GNAO1: variants seen among roughly 807,000 people sequenced by gnomAD.
The protein encoded by GNAO1 is guanine nucleotide-binding protein G(o) subunit alpha.
For synonymous variants in GNAO1, 164 were observed against 180.7 expected, an observed-to-expected ratio of 0.91 and a Z score of 0.74; for missense variants, 166 against 478.7, an observed-to-expected ratio of 0.35 and a Z score of 6.10.
intron 6 of GNAO1, chr16:56,345,092 CCTT>C (rs2037851537): frequency 1.0e-6 from 1 of 985,418 alleles, no homozygotes; most frequent in Admixed American, 6.1e-5. Context: ...TCCTAGGACT[CCTT>C]AGAGGAGGCT....
chr16:56,279,197 T>C (rs1307154858), intron 3 of GNAO1, among the ~76,000 whole-genome samples: 1 of 152,172 alleles, frequency 6.6e-6, no homozygotes, highest in Non-Finnish European at 1.5e-5. Flanking sequence ...TGTACCTCAG[T>C]GTCAGCCCCT....
At position 56,347,177 on chromosome 16, in the gene GNAO1, C is replaced by A. The variant is rs766323202; in HGVS notation, c.724-4207C>A. On this transcript the variant is annotated intron_variant, in intron 6 of 8. Coordinates refer to ENST00000262493, the MANE Select transcript of GNAO1 (RefSeq NM_020988.3). ...CCTGCCCTCCTCCTTTTCAAGAAGT[C>A]TGGGGCACAGAGCCTCCTCTGGCTG... is the stretch of plus-strand genomic sequence containing the variant. The A allele has an allele frequency of 7.7e-5, 76 of 985,434 alleles. 1 individual carries two copies. The Middle Eastern group carries it at 1.6e-3, about 20-fold the overall frequency. 61.0% of individuals were successfully genotyped at this position (985,434 alleles called of 1,614,324 possible). A position where few individuals can be genotyped will look rare whatever the true frequency, so the allele number is the denominator to read the frequency against.
intron 2 of GNAO1, among the ~76,000 whole-genome samples, chr16:56,254,633 C>G (rs1170506117): frequency 6.6e-6 from 1 of 152,150 alleles, no homozygotes; most frequent in Non-Finnish European, 1.5e-5. Flanking sequence ...TTAACCCAAT[C>G]TGGCATCTTC....
intron 4 of GNAO1, among the ~76,000 whole-genome samples, chr16:56,333,768 C>T (rs2037714458): frequency 6.6e-6 from 1 of 152,274 alleles, no homozygotes; most frequent in South Asian, 2.1e-4. Flanking sequence ...GGAGCAGATG[C>T]AGCCTGGGAC....
chr16:56,218,333 T>C lies in GNAO1; in HGVS notation c.161+25717T>C, dbSNP rs984146738. On this transcript the variant is annotated intron_variant, in intron 2 of 8. Transcript: ENST00000262493. ...GGCCTCCACTGCCTTGTGTAGTAGT[T>C]GAGGACAGACCATCACCCACCAGTC... Among the ~76,000 whole-genome samples the C allele has an allele frequency of 2.8e-4, 42 of 152,268 alleles. 2 individuals carry two copies. Among genetic ancestry groups the C allele is most frequent in the Admixed American group, 2.7e-3 (42 of 15,302 alleles).
chr16:56,205,311 G>T (rs1201153450), intron 2 of GNAO1, among the ~76,000 whole-genome samples: 1 of 152,222 alleles, frequency 6.6e-6, no homozygotes, highest in East Asian at 1.9e-4. Context: ...GAAAGAAAAA[G>T]GAAGGCTGTG....
At chr16:56,280,573 G>A (rs910399309) in intron 3 of GNAO1, among the ~76,000 whole-genome samples, 3 of 152,164 alleles carry the variant, frequency 2.0e-5, no homozygotes, top group Non-Finnish European at 4.4e-5. Flanking sequence ...TGTGCAGAGT[G>A]GACAGGGCAG....
chr16:56,227,631 T>G (rs1298222105), intron 2 of GNAO1, among the ~76,000 whole-genome samples: 1 of 133,528 alleles, frequency 7.5e-6, no homozygotes, highest in Non-Finnish European at 1.5e-5. Flanking sequence ...AAGGCTATAG[T>G]GAGCCATGAC....
chr16:56,255,170 C>G (rs1397015715), intron 2 of GNAO1, among the ~76,000 whole-genome samples: 1 of 152,144 alleles, frequency 6.6e-6, no homozygotes, highest in African/African-American at 2.4e-5. Flanking sequence ...TTAGCAGTTC[C>G]ATTCCCAGAA....
intron 6 of GNAO1, chr16:56,343,739 A>G (rs748301639): frequency 6.3e-7 from 1 of 1,599,256 alleles, no homozygotes. Context: ...TCGCCTCACC[A>G]CACCTTGCCT....
chr16:56,208,457 G>A (rs959511682), intron 2 of GNAO1, among the ~76,000 whole-genome samples: 14 of 146,628 alleles, frequency 9.5e-5, no homozygotes, highest in Middle Eastern at 3.4e-3. Context: ...GTGCGCGCGC[G>A]CGCACGTGTG....
intron 1 of GNAO1, 26 bp downstream of exon 1, chr16:56,192,379 T>TTCC (rs1596787465): frequency 1.7e-5 from 19 of 1,115,814 alleles, no homozygotes; most frequent in South Asian, 5.6e-5. Context: ...GCTACCCCCA[T>TTCC]CCCCCGACCC....
intron 2 of GNAO1, among the ~76,000 whole-genome samples, chr16:56,256,700 C>CTG: frequency 8.9e-6 from 1 of 112,402 alleles, no homozygotes; most frequent in South Asian, 3.0e-4. Flanking sequence ...CTCTCTCTCT[C>CTG]TCTCTCTCTC....
chr16:56,344,317 G>C, intron 6 of GNAO1: 1 of 1,117,686 alleles, frequency 8.9e-7, no homozygotes, highest in Non-Finnish European at 1.1e-6. Context: ...ATCTTGGGTG[G>C]TGCAGGGGCG....
At chr16:56,215,917 C>T (rs200942238) in intron 2 of GNAO1, among the ~76,000 whole-genome samples, 1 of 152,212 alleles carries the variant, frequency 6.6e-6, no homozygotes, top group Non-Finnish European at 1.5e-5. Flanking sequence ...TACCCCCACT[C>T]TCTTCCTGAT....
At chr16:56,207,888 A>C (rs919443046) in intron 2 of GNAO1, among the ~76,000 whole-genome samples, 1 of 152,208 alleles carries the variant, frequency 6.6e-6, no homozygotes, top group African/African-American at 2.4e-5. Context: ...GAAAGCAAGC[A>C]CTCAGGTAAC....
chr16:56,256,472 G>A (rs2036847508), intron 2 of GNAO1, among the ~76,000 whole-genome samples: 1 of 152,100 alleles, frequency 6.6e-6, no homozygotes, highest in South Asian at 2.1e-4. Context: ...TCTGAAGCTG[G>A]TCTCTAATAA....
intron 6 of GNAO1, among the ~76,000 whole-genome samples, chr16:56,337,351 G>C (rs1266000187): frequency 1.3e-5 from 2 of 152,248 alleles, no homozygotes; most frequent in East Asian, 1.9e-4. Flanking sequence ...AGTTGCGTGG[G>C]GTTGGGGGTG....
At chr16:56,265,546 T>G (rs2036943291) in intron 2 of GNAO1, among the ~76,000 whole-genome samples, 1 of 152,236 alleles carries the variant, frequency 6.6e-6, no homozygotes, top group Non-Finnish European at 1.5e-5. Flanking sequence ...GTAAAAGGAC[T>G]GAAATATACC....
Sources: gnomAD v4.1 joint callset for allele counts (sites outside exome capture counted in the v4.1 genomes callset) on GRCh38, gnomAD v4.1.1 for gene constraint, MANE v1.5 for transcripts, NCBI Gene and HGNC (gene_info 2026-07-23, HGNC 2026-07-21) for gene names.